NLRC5: variants seen among roughly 807,000 people sequenced by gnomAD.
The protein encoded by NLRC5 is protein NLRC5.
NLRC5 carries 114 observed loss-of-function variants against 206.9 expected under a neutral mutation model. The ratio of observed to expected loss-of-function variants is 0.55; its 90% CI spans 0.47 to 0.64. The LOEUF is 0.64. Ranked by LOEUF, NLRC5 falls within the 30% of genes least tolerant of loss-of-function variation. The pLI is 0.00. For synonymous variants in NLRC5, 952 were observed against 962.8 expected (o/e 0.99, Z 0.21); for missense variants, 2,008 against 2,305.5 (o/e 0.87, Z 2.64).
At chr16:57,066,323 G>A (rs1244703665) in intron 33 of NLRC5, among the ~76,000 whole-genome samples, 2 of 150,678 alleles carry the variant, frequency 1.3e-5, no homozygotes, top group East Asian at 3.9e-4. Context: ...AAAAAAAAAA[G>A]AAAGAGAAAA....
At chr16:57,032,997 T>TAA (rs60550061) in intron 11 of NLRC5, among the ~76,000 whole-genome samples, 1 of 144,062 alleles carries the variant, frequency 6.9e-6, no homozygotes, top group Non-Finnish European at 1.5e-5. Flanking sequence ...ACCCTGTCTC[T>TAA]AAAAAAAAAA....
chr16:57,041,489 A>G lies in NLRC5; in HGVS notation c.2944A>G (p.Thr982Ala). 1 of 1,613,788 alleles carries G rather than the reference A, an allele frequency of 6.2e-7. No homozygotes were observed. The highest frequency in any genetic ancestry group is 8.5e-7 in the Non-Finnish European group (1 of 1,179,888). ...TGTGTTTTTGTCCCTGGGCAGGCTG[A>G]CACATTGTGGCCTCCAAGAAAAGCA... ...LPLSSRRMRL[T>A]HCGLQEKHLE... Residue 982 changes from threonine to alanine, a missense_variant, in exon 18 of 49, where the codon ACA becomes GCA. Coordinates refer to ENST00000688547, the MANE Select transcript of NLRC5 (RefSeq NM_001384950.1).
intron 41 of NLRC5, 31 bp downstream of exon 41, chr16:57,077,410 C>G (rs2068530420): frequency 6.3e-7 from 1 of 1,576,152 alleles, no homozygotes; most frequent in East Asian, 2.2e-5. Context: ...AGGAGGGCCA[C>G]AGGGGTCACA....
At chr16:57,006,413 C>CTTTTT (rs58713490) in intron 1 of NLRC5, among the ~76,000 whole-genome samples, 16,572 of 89,428 alleles carry the variant, frequency 0.19, 3,668 homozygotes, top group South Asian at 0.23. Flanking sequence ...TCTTCATCCT[C>CTTTTT]TTTTTTTTTT....
At chr16:57,029,437 G>T (rs2061566332) in intron 8 of NLRC5, among the ~76,000 whole-genome samples, 1 of 152,274 alleles carries the variant, frequency 6.6e-6, no homozygotes, top group African/African-American at 2.4e-5. Flanking sequence ...TTGCCTGGGG[G>T]GCCTATCCCA....
rs572513215 is a variant in NLRC5, at chr16:57,068,196, G to A, written c.4499+368G>A. 9.9e-5 allele frequency among the ~76,000 whole-genome samples: 15 copies of A among 152,266 alleles called. No homozygotes were observed. The East Asian group carries it at 2.1e-3, about 22-fold the overall frequency. ...TGTAATCCTAGCACTTTGGGAGGCC[G>A]AGGCAGGTGGATTGCCTGAGCTCAG... On this transcript the variant is annotated intron_variant, in intron 36 of 48. Coordinates refer to ENST00000688547, the MANE Select transcript of NLRC5 (RefSeq NM_001384950.1).
chr16:57,058,485 GGTCC>G, intron 28 of NLRC5: 1 of 390,968 alleles, frequency 2.6e-6, no homozygotes, highest in Non-Finnish European at 4.7e-6. Context: ...CCTGGCTCCT[GGTCC>G]ATCCCGTCCC....
intron 12 of NLRC5, 59 bp from the exon 13 acceptor site, chr16:57,034,109 G>T: frequency 7.0e-7 from 1 of 1,428,248 alleles, no homozygotes. Flanking sequence ...GGAAGCTGGA[G>T]GGGCCATGGA....
intron 27 of NLRC5, among the ~76,000 whole-genome samples, chr16:57,057,191 C>G (rs1313850460): frequency 2.6e-5 from 4 of 151,964 alleles, no homozygotes. Context: ...GAGGCCAAAG[C>G]GGGTGGATCA....
intron 30 of NLRC5, among the ~76,000 whole-genome samples, chr16:57,061,228 C>A (rs1380774747): frequency 1.3e-5 from 2 of 152,248 alleles, no homozygotes; most frequent in Non-Finnish European, 2.9e-5. Context: ...AAATAACTTA[C>A]TCCTAATACT....
chr16:57,020,844 G>A lies in NLRC5; in HGVS notation c.132G>A (p.Arg44=). 1 of 1,613,640 alleles carries A rather than the reference G, an allele frequency of 6.2e-7. No individual in the cohort carries two copies. Among genetic ancestry groups the A allele is most frequent in the Non-Finnish European group, 8.5e-7 (1 of 1,179,930 alleles). Residue 44 remains arginine, a synonymous_variant, in exon 3 of 49, where the codon AGG becomes AGA. Transcript: ENST00000688547. ...FFLPNTDLDS[R]NETLDPEQRV... is the part of the protein sequence containing the mutation. ...TCCCCAACACGGACCTGGATTCCAGGAACGAGACCTTGGACCCTGAACAGA... is the reference window on the plus strand; with the variant it reads ...TCCCCAACACGGACCTGGATTCCAGAAACGAGACCTTGGACCCTGAACAGA...
intron 19 of NLRC5, among the ~76,000 whole-genome samples, chr16:57,042,283 A>C (rs902484466): frequency 1.1e-4 from 16 of 152,210 alleles, no homozygotes; most frequent in African/African-American, 2.6e-4. Flanking sequence ...TCAAGGTTTC[A>C]CTTCTGGAAC....
Position 57,075,471 on chromosome 16 carries a change from C to T in NLRC5, c.4751+788C>T, listed in dbSNP as rs547097527. Among the ~76,000 whole-genome samples, 20 of 152,302 alleles carry T rather than the reference C, an allele frequency of 1.3e-4. No individual in the cohort carries two copies. The South Asian group carries it at 3.7e-3, about 28-fold the overall frequency. ...CCAACCTCAGGTGATCTGCCCACCT[C>T]GGCCTCCCAAAGTGCTGGGATTACA... On this transcript the variant is annotated intron_variant, in intron 39 of 48. Transcript: ENST00000688547.
At chr16:57,068,478 A>G (rs1402884157) in intron 36 of NLRC5, among the ~76,000 whole-genome samples, 1 of 149,690 alleles carries the variant, frequency 6.7e-6, no homozygotes, top group African/African-American at 2.5e-5. Flanking sequence ...ATCTTTTTCC[A>G]CATTTGCTCA....
rs71383218 is a variant in NLRC5, at chr16:57,078,466, G to GTTTTTTTTTTTTTTTT, written c.5081+455_5081+470dup. ...CAGAGTCCCAGAGTGCTGGGACCTT[G>GTTTTTTTTTTTTTTTT]TTTTTTTTTTTTTTTTTTTTTTTTA... On this transcript the variant is annotated intron_variant, in intron 43 of 48. Transcript: ENST00000688547. Among the ~76,000 whole-genome samples, 75 of 92,204 alleles carry GTTTTTTTTTTTTTTTT rather than the reference G, an allele frequency of 8.1e-4. 7 individuals are homozygous for GTTTTTTTTTTTTTTTT. The highest frequency in any genetic ancestry group is 3.4e-3 in the African/African-American group (68 of 20,058). The allele number at this position is 92,204 out of a possible 152,430, so 60.5% of individuals were successfully genotyped here.
intron 1 of NLRC5, chr16:57,014,104 A>G (rs2059778174): frequency 5.2e-6 from 1 of 192,468 alleles, no homozygotes; most frequent in Non-Finnish European, 1.1e-5. Flanking sequence ...TCAAAACACC[A>G]GTTCCACATG....
At chr16:57,070,695 G>A in intron 38 of NLRC5, 77 bp downstream of exon 38, 1 of 1,255,200 alleles carries the variant, frequency 8.0e-7, no homozygotes, top group African/African-American at 1.9e-5. Flanking sequence ...GAGTGGTGGG[G>A]TTGGTTAATG....
Position 57,033,686 on chromosome 16 carries a change from T to C in NLRC5, c.2543+17T>C, listed in dbSNP as rs377471858. 2 of 1,610,986 alleles carry C rather than the reference T, an allele frequency of 1.2e-6. No homozygotes were observed. Among genetic ancestry groups the C allele is most frequent in the Non-Finnish European group, 1.7e-6 (2 of 1,177,408 alleles). On this transcript the variant is annotated intron_variant, in intron 12 of 48. Transcript: ENST00000688547. The stretch of plus-strand genomic sequence containing the variant: ...GACGCTCAGGTACCTTGGAGGGATC[T>C]ATTGCCTTAGGAGAGGGATATGATA...
At chr16:57,065,146 G>T (rs755571722) in intron 32 of NLRC5, 66 bp from the exon 33 acceptor site, 4 of 1,135,774 alleles carry the variant, frequency 3.5e-6, no homozygotes, top group South Asian at 2.4e-5. Flanking sequence ...CCCCGGCCCC[G>T]TCATGTGTGC....
Sources: gnomAD v4.1 joint callset for allele counts (sites outside exome capture counted in the v4.1 genomes callset) on GRCh38, gnomAD v4.1.1 for gene constraint, MANE v1.5 for transcripts, NCBI Gene and HGNC (gene_info 2026-07-23, HGNC 2026-07-21) for gene names.